Variants in CELF2 observed in about 807,000 individuals in gnomAD.
CELF2 encodes the protein CUGBP Elav-like family member 2.
In CELF2, 8 loss-of-function variants were observed where a neutral mutation model predicts 62.6. The observed-to-expected ratio is 0.13, with a 90% CI of 0.07 to 0.23. CELF2 has a LOEUF of 0.23. Among genes scored for constraint, CELF2 ranks in the 10% least tolerant of loss-of-function variants. The pLI is 1.00. For missense variants in CELF2, 333 were observed against 671.0 expected, an observed-to-expected ratio of 0.50 and a Z score of 5.56; for synonymous variants, 258 against 250.0, an observed-to-expected ratio of 1.03 and a Z score of -0.30.
chr10:10,900,746 A>C (rs2062877747), intron 1 of CELF2, among the ~76,000 whole-genome samples: 1 of 152,198 alleles, frequency 6.6e-6, no homozygotes, highest in African/African-American at 2.4e-5. Context: ...CAAAAGTACA[A>C]CATAAAAGAC....
intron 1 of CELF2, among the ~76,000 whole-genome samples, chr10:10,870,278 G>A (rs1285044907): frequency 1.3e-5 from 2 of 151,604 alleles, no homozygotes; most frequent in East Asian, 3.9e-4. Flanking sequence ...TATAAAAAAA[G>A]GCCATAAGTC....
chr10:11,244,603 C>G lies in CELF2; in HGVS notation c.355-4550C>G, dbSNP rs1288269458. 6.6e-6 allele frequency among the ~76,000 whole-genome samples: 1 copy of G among 150,386 alleles called. No homozygotes were observed. The highest frequency in any genetic ancestry group is 2.4e-5 in the African/African-American group (1 of 40,826). On this transcript the variant is annotated intron_variant, in intron 3 of 12. Transcript: ENST00000633077. The surrounding 1 kb of genome is among the most constrained non-coding windows in gnomAD (Gnocchi z 4.2). ...CCGGGAGGCAGAGCTTTCAGTGAGC[C>G]GAGATCATGCCACTGCACTCCATCC...
intron 1 of CELF2, among the ~76,000 whole-genome samples, chr10:11,064,154 C>A (rs1451528561): frequency 6.6e-6 from 1 of 152,190 alleles, no homozygotes; most frequent in Non-Finnish European, 1.5e-5. Context: ...TTCTCGAAGT[C>A]TAAATGCACA....
the CELF2 span, among the ~76,000 whole-genome samples, chr10:10,605,303 G>A: frequency 6.6e-6 from 1 of 152,116 alleles, no homozygotes; most frequent in South Asian, 2.1e-4. Context: ...GAGCATTAGG[G>A]AAAGGACCTA....
the CELF2 span, among the ~76,000 whole-genome samples, chr10:10,579,255 G>C: frequency 6.6e-6 from 1 of 152,182 alleles, no homozygotes; most frequent in Non-Finnish European, 1.5e-5. Context: ...TTATGGATTT[G>C]CATCTTGGAG....
chr10:10,546,987 A>T, the CELF2 span, among the ~76,000 whole-genome samples: 3 of 152,058 alleles, frequency 2.0e-5, no homozygotes, highest in Non-Finnish European at 4.4e-5. Flanking sequence ...TGCGCCTGTG[A>T]TCCCAACTCT....
chr10:10,638,563 G>A, the CELF2 span, among the ~76,000 whole-genome samples: 1 of 152,170 alleles, frequency 6.6e-6, no homozygotes, highest in Admixed American at 6.5e-5. Context: ...AAACACCTAT[G>A]TAGAGACAAG....
At chr10:11,154,686 T>C (rs1193329314) in intron 1 of CELF2, among the ~76,000 whole-genome samples, 1 of 152,254 alleles carries the variant, frequency 6.6e-6, no homozygotes, top group Non-Finnish European at 1.5e-5. Flanking sequence ...CTGTCATCTC[T>C]TTGGGGCATT....
chr10:10,832,281 A>T (rs566031952), intron 1 of CELF2, among the ~76,000 whole-genome samples: 5 of 152,076 alleles, frequency 3.3e-5, no homozygotes, highest in African/African-American at 1.2e-4. Context: ...AAAAAAAATA[A>T]AAATAAATAA....
intron 2 of CELF2, among the ~76,000 whole-genome samples, chr10:11,189,808 G>A (rs984762943): frequency 2.0e-5 from 3 of 152,188 alleles, no homozygotes; most frequent in Non-Finnish European, 4.4e-5. Context: ...CAGCACCAGC[G>A]ATGGTATGCA....
chr10:11,000,961 C>T (rs1409293138), upstream of CELF2, among the ~76,000 whole-genome samples: 1 of 152,146 alleles, frequency 6.6e-6, no homozygotes, highest in Non-Finnish European at 1.5e-5. Context: ...AGAGAAAGAC[C>T]CTTCTTCTGC....
intron 1 of CELF2, among the ~76,000 whole-genome samples, chr10:10,912,405 G>A (rs972766691): frequency 6.7e-6 from 1 of 149,294 alleles, no homozygotes; most frequent in Non-Finnish European, 1.5e-5. Flanking sequence ...TTTTTTTTTT[G>A]AGATGCTCTG....
chr10:10,847,481 C>T (rs935424280), intron 1 of CELF2, among the ~76,000 whole-genome samples: 5 of 152,138 alleles, frequency 3.3e-5, no homozygotes, highest in Non-Finnish European at 5.9e-5. Context: ...AATGCATGCT[C>T]GTCCTGCAGC....
the CELF2 span, among the ~76,000 whole-genome samples, chr10:10,754,532 T>C: frequency 1.3e-5 from 2 of 152,306 alleles, no homozygotes; most frequent in Middle Eastern, 3.4e-3. Context: ...CAAGGAAGCA[T>C]GATCAGGAAG....
intron 1 of CELF2, among the ~76,000 whole-genome samples, chr10:10,918,371 T>G (rs2064546628): frequency 6.6e-6 from 1 of 152,240 alleles, no homozygotes; most frequent in Non-Finnish European, 1.5e-5. Flanking sequence ...AATTCTGGTT[T>G]TGCTGAAGGA....
chr10:11,292,088 A>G (rs1009800169), intron 9 of CELF2, among the ~76,000 whole-genome samples: 1 of 152,176 alleles, frequency 6.6e-6, no homozygotes, highest in African/African-American at 2.4e-5. Context: ...AAGGCATTCT[A>G]AAATGCTAGG....
At chr10:10,886,301 T>A (rs1428528668) in intron 1 of CELF2, among the ~76,000 whole-genome samples, 1 of 152,154 alleles carries the variant, frequency 6.6e-6, no homozygotes, top group Non-Finnish European at 1.5e-5. Flanking sequence ...AAGACAAAGC[T>A]ATTTGGAGAA....
rs2056423356 is a variant in CELF2 at position 10,815,929 on chromosome 10, A to G, written c.53+17112A>G. On this transcript the variant is annotated intron_variant, in intron 1 of 13. Transcript: ENST00000636488. ...GTTTTTTTTTTTTTTTGCCCCATAAATTGGCCTAAATCCCTTTTGATCATC... is the reference window on the plus strand; with the variant it reads ...GTTTTTTTTTTTTTTTGCCCCATAAGTTGGCCTAAATCCCTTTTGATCATC... Among the ~76,000 whole-genome samples the G allele has an allele frequency of 2.0e-5, 3 of 150,048 alleles. No homozygotes were observed. In the South Asian group the frequency reaches 6.3e-4, roughly 32 times the overall value.
chr10:11,225,404 A>T (rs1244170251), intron 3 of CELF2, among the ~76,000 whole-genome samples: 1 of 152,168 alleles, frequency 6.6e-6, no homozygotes, highest in Non-Finnish European at 1.5e-5. Context: ...GGCCCTTTCC[A>T]ATCTTGCAAA....
Sources: gnomAD v4.1 joint callset for allele counts (sites outside exome capture counted in the v4.1 genomes callset) on GRCh38, gnomAD v4.1.1 for gene constraint, Gnocchi (gnomAD v3.1) non-coding constraint, MANE v1.5 for transcripts, NCBI Gene and HGNC (gene_info 2026-07-23, HGNC 2026-07-21) for gene names.